CPNE5: variants seen among roughly 807,000 people sequenced by gnomAD.
CPNE5 encodes copine-5.
A neutral mutation model predicts 81.1 loss-of-function variants in CPNE5; 42 were observed. The observed-to-expected ratio is 0.52, with a 90% confidence interval of 0.40 to 0.67. The LOEUF (loss-of-function observed/expected upper bound fraction) is 0.67, where lower values mean the gene tolerates loss of function less well. Ranked by LOEUF, CPNE5 falls within the 30% of genes least tolerant of loss-of-function variation. The pLI is 0.00. For synonymous variants in CPNE5, 313 were observed against 321.5 expected, an observed-to-expected ratio of 0.97 and a Z score of 0.28; for missense variants, 612 against 815.5, an observed-to-expected ratio of 0.75 and a Z score of 3.04.
chr6:36,795,248 G>A (rs1023875519), intron 6 of CPNE5, among the ~76,000 whole-genome samples: 4 of 151,896 alleles, frequency 2.6e-5, no homozygotes, highest in Non-Finnish European at 2.9e-5. Flanking sequence ...GCGTGATCTC[G>A]GCTCACCGCA....
chr6:36,798,727 G>A (rs931736766), intron 4 of CPNE5, among the ~76,000 whole-genome samples: 10 of 152,112 alleles, frequency 6.6e-5, no homozygotes, highest in South Asian at 4.1e-4. Context: ...AAAATGCATC[G>A]TGGAGTAGGC....
At chr6:36,817,549 C>T (rs1324978275) in intron 3 of CPNE5, among the ~76,000 whole-genome samples, 1 of 152,188 alleles carries the variant, frequency 6.6e-6, no homozygotes, top group African/African-American at 2.4e-5. Flanking sequence ...CCTGTATTGA[C>T]TCTTCCTGTA....
chr6:36,798,262 A>C (rs1262138957), intron 5 of CPNE5, 21 bp from the exon 6 acceptor site: 17 of 1,608,924 alleles, frequency 1.1e-5, no homozygotes, highest in Non-Finnish European at 1.4e-5. Flanking sequence ...AGGGAACAGA[A>C]GAGACCAGTG....
In CPNE5 at chr6:36,743,695, G is replaced by A. The variant is rs771089176; in HGVS notation, c.1557C>T (p.Ile519=). Reference sequence around the variant, plus strand: ...GGCAAGGCCTGGGCTTCACCTGGACGATGTCGCGTTCAGCCAGCTTCCCCC... The same window carrying A: ...GGCAAGGCCTGGGCTTCACCTGGACAATGTCGCGTTCAGCCAGCTTCCCCC... ...SSRGKLAERD[I]VQFVPFRDYV... The change falls in exon 20 of 21, where the codon ATC becomes ATT. Residue 519 remains isoleucine (I), a synonymous_variant. Coordinates refer to ENST00000244751, the MANE Select transcript of CPNE5 (RefSeq NM_020939.2). 2.5e-6 allele frequency: 4 copies of A among 1,613,480 alleles called. No individual in the cohort carries two copies. Among genetic ancestry groups the A allele is most frequent in the East Asian group, 2.2e-5 (1 of 44,886 alleles).
intron 1 of CPNE5, among the ~76,000 whole-genome samples, chr6:36,827,923 G>A (rs1251767266): frequency 6.6e-6 from 1 of 151,854 alleles, no homozygotes; most frequent in Non-Finnish European, 1.5e-5. Flanking sequence ...CTGCACAGCA[G>A]CCTGGAGCTT....
In CPNE5 at chr6:36,839,311, T is replaced by A; in HGVS notation, c.67A>T (p.Thr23Ser). 6.5e-7 allele frequency: 1 copy of A among 1,549,804 alleles called. No homozygotes were observed. The highest frequency in any genetic ancestry group is 8.7e-7 in the Non-Finnish European group (1 of 1,146,284). ...CAGGACACGGTGATCTCCACCTTGGTGGCCGGGATGCTGCCCGCCAAGGAG... is the reference window on the plus strand; with the variant it reads ...CAGGACACGGTGATCTCCACCTTGGAGGCCGGGATGCTGCCCGCCAAGGAG... ...FDSLAGSIPA[T>S]KVEITVSCRN... The change falls in exon 1 of 21, where the codon ACC (threonine) becomes TCC (serine). Residue 23 changes from threonine to serine, a missense_variant. Coordinates refer to ENST00000244751, the MANE Select transcript of CPNE5 (RefSeq NM_020939.2). This position sits in a 1 kb window ranked among gnomAD's most constrained non-coding sequence, Gnocchi z 7.3.
intron 1 of CPNE5, among the ~76,000 whole-genome samples, chr6:36,836,464 T>A (rs550586087): frequency 6.6e-6 from 1 of 152,248 alleles, no homozygotes; most frequent in African/African-American, 2.4e-5. Flanking sequence ...CAACTCATAA[T>A]CTTCCCTGAA....
chr6:36,802,217 C>CAAAAA (rs57677612), intron 3 of CPNE5, among the ~76,000 whole-genome samples: 1 of 56,716 alleles, frequency 1.8e-5, no homozygotes, highest in Non-Finnish European at 3.1e-5. Context: ...GACTCCATCT[C>CAAAAA]AAAAAAAAAA....
intron 8 of CPNE5, among the ~76,000 whole-genome samples, chr6:36,788,342 C>T (rs74977653): frequency 0.035 from 5,297 of 152,242 alleles, 304 homozygotes; most frequent in African/African-American, 0.11. Context: ...CCCCAACCTC[C>T]ACTGCTCAAA....
At chr6:36,817,046 C>G (rs1311214313) in intron 3 of CPNE5, among the ~76,000 whole-genome samples, 1 of 152,212 alleles carries the variant, frequency 6.6e-6, no homozygotes, top group Non-Finnish European at 1.5e-5. Flanking sequence ...TGTGTGAAGG[C>G]CGGGTGCAGT....
intron 10 of CPNE5, among the ~76,000 whole-genome samples, chr6:36,773,157 G>A (rs747886712): frequency 1.3e-5 from 2 of 152,014 alleles, no homozygotes; most frequent in Non-Finnish European, 2.9e-5. Flanking sequence ...GATTACAGGC[G>A]TGAGCCACCA....
intron 3 of CPNE5, among the ~76,000 whole-genome samples, chr6:36,802,935 A>G (rs1270562439): frequency 6.6e-6 from 1 of 152,096 alleles, no homozygotes. Flanking sequence ...GCGCACGCCT[A>G]TAGTCCCAGA....
chr6:36,751,571 C>G (rs1391949544), intron 14 of CPNE5, among the ~76,000 whole-genome samples: 1 of 152,140 alleles, frequency 6.6e-6, no homozygotes, highest in African/African-American at 2.4e-5. Context: ...AGGCGAATCA[C>G]CTGAGGTCAG....
chr6:36,810,048 AC>A (rs1329359163), intron 3 of CPNE5, among the ~76,000 whole-genome samples: 1 of 151,990 alleles, frequency 6.6e-6, no homozygotes, highest in Non-Finnish European at 1.5e-5. Context: ...CCCAGAGGCA[AC>A]CCATGGTGGG....
chr6:36,764,698 C>G (rs1766386961), intron 11 of CPNE5, among the ~76,000 whole-genome samples: 1 of 152,110 alleles, frequency 6.6e-6, no homozygotes, highest in Non-Finnish European at 1.5e-5. Context: ...TGGGAAGCAC[C>G]CTCCCAGCAG....
At chr6:36,817,803 C>T (rs928782395) in intron 3 of CPNE5, among the ~76,000 whole-genome samples, 1 of 152,282 alleles carries the variant, frequency 6.6e-6, no homozygotes, top group Non-Finnish European at 1.5e-5. Context: ...CCTGAGTTGA[C>T]TCTGTCCCTC....
At chr6:36,775,086 G>A (rs768722830) in intron 9 of CPNE5, 21 bp from the exon 10 acceptor site, 3 of 1,601,952 alleles carry the variant, frequency 1.9e-6, no homozygotes, top group African/African-American at 1.3e-5. Context: ...AGAAGAGAGG[G>A]AAAGGCTGTC....
At chr6:36,822,366 G>A (rs919471900) in intron 2 of CPNE5, among the ~76,000 whole-genome samples, 7 of 151,928 alleles carry the variant, frequency 4.6e-5, no homozygotes, top group Admixed American at 3.3e-4. Flanking sequence ...ACAGGAATCT[G>A]GCCCCCCAAG....
intron 1 of CPNE5, among the ~76,000 whole-genome samples, chr6:36,835,059 C>A (rs2150629145): frequency 6.6e-6 from 1 of 152,318 alleles, no homozygotes; most frequent in Middle Eastern, 3.4e-3. Context: ...CAGCCCCATA[C>A]CAGCTGGTGG....
Sources: allele counts gnomAD v4.1 joint callset (sites outside exome capture counted in the v4.1 genomes callset), GRCh38; gene constraint gnomAD v4.1.1; non-coding constraint Gnocchi (gnomAD v3.1); transcripts MANE v1.5; gene names NCBI Gene and HGNC (gene_info 2026-07-23, HGNC 2026-07-21).